GALNT18: variants seen among roughly 807,000 people sequenced by gnomAD.
GALNT18 encodes GalNAc-transferase 18.
Under a neutral mutation model 69.5 loss-of-function variants are expected in GALNT18, and 44 were observed. That is an observed-to-expected ratio of 0.63 (90% CI 0.50 to 0.81). GALNT18 has a LOEUF of 0.81. GALNT18 is among the 40% of genes least tolerant of loss of function. The probability of loss-of-function intolerance (pLI) is 0.00; values close to 1 mark genes in which losing one functional copy is unlikely to be tolerated. For synonymous variants in GALNT18, 364 were observed against 318.2 expected (o/e 1.14, Z -1.53); for missense variants, 715 against 810.0 (o/e 0.88, Z 1.42).
At chr11:11,381,145 A>G (rs1853906987) in intron 3 of GALNT18, among the ~76,000 whole-genome samples, 1 of 152,226 alleles carries the variant, frequency 6.6e-6, no homozygotes, top group Non-Finnish European at 1.5e-5. Context: ...ATAACTCAAT[A>G]TGTCTCACAC....
rs1371074697 is a variant in GALNT18, at chr11:11,496,461, A to C, written c.236-47525T>G. ...CTTACCCAGCAGTACATTGCTATCA[A>C]CTCCAATAATGGGGCATGCTGGAAA... On this transcript the variant is annotated intron_variant, in intron 1 of 10. Coordinates refer to ENST00000227756, the MANE Select transcript of GALNT18 (RefSeq NM_198516.3). This position sits in a 1 kb window ranked among gnomAD's most constrained non-coding sequence, Gnocchi z 4.0. Among the ~76,000 whole-genome samples, 1 of 152,158 alleles carries C rather than the reference A, an allele frequency of 6.6e-6. No homozygotes were observed. Among genetic ancestry groups the C allele is most frequent in the Non-Finnish European group, 1.5e-5 (1 of 68,020 alleles).
intron 9 of GALNT18, among the ~76,000 whole-genome samples, chr11:11,308,883 C>T (rs1265971225): frequency 6.6e-6 from 1 of 152,110 alleles, no homozygotes; most frequent in Non-Finnish European, 1.5e-5. Flanking sequence ...ATGCTGTGTT[C>T]CACTTTAGCC....
intron 9 of GALNT18, among the ~76,000 whole-genome samples, chr11:11,310,482 G>A (rs543182995): frequency 6.6e-6 from 1 of 152,230 alleles, no homozygotes; most frequent in Admixed American, 6.5e-5. Context: ...AATCTATTCC[G>A]TAGCCCAGTT....
intron 1 of GALNT18, among the ~76,000 whole-genome samples, chr11:11,567,835 T>G (rs1858689861): frequency 6.6e-6 from 1 of 152,186 alleles, no homozygotes; most frequent in African/African-American, 2.4e-5. Context: ...GAGATAAACA[T>G]CCTATATACC....
intron 6 of GALNT18, among the ~76,000 whole-genome samples, chr11:11,370,046 T>C (rs1850863276): frequency 6.6e-6 from 1 of 151,572 alleles, no homozygotes; most frequent in South Asian, 2.1e-4. Context: ...TTGAGATATA[T>C]GTAAGCCCCT....
At chr11:11,478,496 GC>G (rs1364859249) in intron 1 of GALNT18, among the ~76,000 whole-genome samples, 1 of 152,178 alleles carries the variant, frequency 6.6e-6, no homozygotes, top group East Asian at 1.9e-4. Flanking sequence ...CCGTCCTCAT[GC>G]CCCAAACGGC....
rs1228912245 is a variant in GALNT18, at chr11:11,396,556, C to T, written c.596-17292G>A. ...GCAACACGGACAGCTTGGTAACAAA[C>T]AAAGAAAATGGAAGCCAAGCGTGGG... On this transcript the variant is annotated intron_variant, in intron 3 of 10. Transcript: ENST00000227756. The surrounding 1 kb of genome is among the most constrained non-coding windows in gnomAD (Gnocchi z 5.2). Among the ~76,000 whole-genome samples the T allele has an allele frequency of 6.6e-6, 1 of 152,064 alleles. No individual in the cohort carries two copies. The highest frequency in any genetic ancestry group is 6.5e-5 in the Admixed American group (1 of 15,272).
chr11:11,550,459 C>A (rs1229688084), intron 1 of GALNT18, among the ~76,000 whole-genome samples: 1 of 152,204 alleles, frequency 6.6e-6, no homozygotes, highest in African/African-American at 2.4e-5. Context: ...AACTGTGTAA[C>A]CCCCATCCTC....
chr11:11,274,074 G>A (rs564656287), intron 10 of GALNT18, among the ~76,000 whole-genome samples: 5 of 152,242 alleles, frequency 3.3e-5, no homozygotes, highest in African/African-American at 9.6e-5. Context: ...CCTGGGAAGT[G>A]CAAGGGGTTG....
intron 2 of GALNT18, among the ~76,000 whole-genome samples, chr11:11,433,939 G>C (rs911453385): frequency 1.3e-5 from 2 of 152,188 alleles, no homozygotes; most frequent in African/African-American, 4.8e-5. Flanking sequence ...CACTGCTCCA[G>C]AGTGGGAGGT....
At chr11:11,516,667 AC>A (rs1857284251) in intron 1 of GALNT18, among the ~76,000 whole-genome samples, 1 of 152,042 alleles carries the variant, frequency 6.6e-6, no homozygotes, top group African/African-American at 2.4e-5. Context: ...AAGTCCTGTA[AC>A]CCCTCAGAGT....
intron 1 of GALNT18, among the ~76,000 whole-genome samples, chr11:11,458,335 C>T (rs757140211): frequency 8.5e-5 from 13 of 152,172 alleles, no homozygotes; most frequent in Non-Finnish European, 1.5e-4. Flanking sequence ...TTAAAAGCGG[C>T]TTTATTGAGG....
chr11:11,569,683 A>T lies in GALNT18; in HGVS notation c.235+51676T>A, dbSNP rs571790495. 2.0e-5 allele frequency among the ~76,000 whole-genome samples: 3 copies of T among 152,266 alleles called. No homozygotes were observed. In the South Asian group the frequency reaches 6.2e-4, roughly 32 times the overall value. ...TCCTGAAATGGCTGAACAATACCCA[A>T]TGTGACAGGAATCCATCCATTCTTC... is the stretch of plus-strand genomic sequence containing the variant. On this transcript the variant is annotated intron_variant, in intron 1 of 10. Transcript: ENST00000227756.
chr11:11,574,877 G>A (rs1590111226), intron 1 of GALNT18, among the ~76,000 whole-genome samples: 1 of 152,330 alleles, frequency 6.6e-6, no homozygotes, highest in East Asian at 1.9e-4. Context: ...ACTCCCCGGA[G>A]GCTAAAGAAT....
At chr11:11,488,935 T>C (rs1464674002) in intron 1 of GALNT18, among the ~76,000 whole-genome samples, 1 of 152,206 alleles carries the variant, frequency 6.6e-6, no homozygotes, top group African/African-American at 2.4e-5. Context: ...GGCCCAAACA[T>C]GACCTTGCCC....
Position 11,605,411 on chromosome 11 carries a change from G to A in GALNT18, c.235+15948C>T, listed in dbSNP as rs988890114. Among the ~76,000 whole-genome samples the A allele has an allele frequency of 2.6e-5, 4 of 152,168 alleles. No homozygotes were observed. The highest frequency in any genetic ancestry group is 5.9e-5 in the Non-Finnish European group (4 of 68,020). ...CTTTCCCGACACCTGTCTCCTGAGT[G>A]CGAAACAGCAAGTCCTAACTTGCCA... On this transcript the variant is annotated intron_variant, in intron 1 of 10. Transcript: ENST00000227756. This position sits in a 1 kb window ranked among gnomAD's most constrained non-coding sequence, Gnocchi z 4.7.
At chr11:11,577,034 C>T (rs559222406) in intron 1 of GALNT18, among the ~76,000 whole-genome samples, 1 of 152,284 alleles carries the variant, frequency 6.6e-6, no homozygotes, top group Non-Finnish European at 1.5e-5. Context: ...CAGACTGTCA[C>T]CTCGATGCAG....
rs1589995302 is a variant in GALNT18 at position 11,430,748 on chromosome 11, A to G, written c.595+1873T>C. On this transcript the variant is annotated intron_variant, in intron 3 of 10. Coordinates refer to ENST00000227756, the MANE Select transcript of GALNT18 (RefSeq NM_198516.3). This position sits in a 1 kb window ranked among gnomAD's most constrained non-coding sequence, Gnocchi z 4.9. ...AAATGGTCCAACAGATTTTTCCTTC[A>G]TAATACCTCTCAGGCCTATAACTTC... is the stretch of plus-strand genomic sequence containing the variant. Among the ~76,000 whole-genome samples the G allele has an allele frequency of 6.6e-6, 1 of 152,144 alleles. No homozygotes were observed. Among genetic ancestry groups the G allele is most frequent in the Non-Finnish European group, 1.5e-5 (1 of 68,006 alleles).
chr11:11,424,833 A>T (rs1855090505), intron 3 of GALNT18, among the ~76,000 whole-genome samples: 1 of 152,120 alleles, frequency 6.6e-6, no homozygotes, highest in African/African-American at 2.4e-5. Context: ...AGCTAAGCAA[A>T]GTGGGTGGGG....
Sources: gnomAD v4.1 joint callset for allele counts (sites outside exome capture counted in the v4.1 genomes callset) on GRCh38, gnomAD v4.1.1 for gene constraint, Gnocchi (gnomAD v3.1) non-coding constraint, MANE v1.5 for transcripts, NCBI Gene and HGNC (gene_info 2026-07-23, HGNC 2026-07-21) for gene names.